Variants in NEMP2 observed in about 807,000 individuals in gnomAD.
NEMP2 encodes UPF0571 transmembrane protein.
NEMP2 carries 53 observed loss-of-function variants against 54.2 expected under a neutral mutation model. That is an observed-to-expected ratio of 0.98 (90% CI 0.78 to 1.23). NEMP2 has a LOEUF of 1.23. NEMP2 is among the 50% of genes most tolerant of loss of function. The pLI, the probability that NEMP2 is intolerant of heterozygous loss-of-function variation, is 0.00. For missense variants in NEMP2, 455 were observed against 511.3 expected, an observed-to-expected ratio of 0.89 and a Z score of 1.06; for synonymous variants, 197 against 190.3, an observed-to-expected ratio of 1.04 and a Z score of -0.29.
the NEMP2 span, among the ~76,000 whole-genome samples, chr2:190,630,374 C>T: frequency 5.3e-5 from 8 of 152,076 alleles, no homozygotes; most frequent in African/African-American, 9.7e-5. This position sits in a 1 kb window ranked among gnomAD's most constrained non-coding sequence, Gnocchi z 5.5. Flanking sequence ...AGCACCACCA[C>T]GCCCAGCTAA....
chr2:190,617,960 G>A, the NEMP2 span, among the ~76,000 whole-genome samples: 1 of 152,036 alleles, frequency 6.6e-6, no homozygotes, highest in Non-Finnish European at 1.5e-5. The surrounding 1 kb of genome is among the most constrained non-coding windows in gnomAD (Gnocchi z 5.0). Flanking sequence ...TATGACATTA[G>A]CTACTGCCCA....
chr2:190,590,750 G>A, the NEMP2 span, among the ~76,000 whole-genome samples: 2 of 152,306 alleles, frequency 1.3e-5, no homozygotes, highest in Non-Finnish European at 2.9e-5. The surrounding 1 kb of genome is among the most constrained non-coding windows in gnomAD (Gnocchi z 5.1). Flanking sequence ...CTCCAAGCCA[G>A]TCTGGTTGGT....
upstream of NEMP2, among the ~76,000 whole-genome samples, chr2:190,537,620 G>C (rs886838641): frequency 6.6e-6 from 1 of 152,144 alleles, no homozygotes; most frequent in African/African-American, 2.4e-5. Flanking sequence ...TTGAACTTGA[G>C]AGATGATTTA....
chr2:190,642,605 T>C, the NEMP2 span, among the ~76,000 whole-genome samples: 1 of 152,260 alleles, frequency 6.6e-6, no homozygotes, highest in South Asian at 2.1e-4. The surrounding 1 kb of genome is among the most constrained non-coding windows in gnomAD (Gnocchi z 4.1). Context: ...TAGTCTACAA[T>C]ACACTTCCAA....
At chr2:190,430,052 T>A in the NEMP2 span, among the ~76,000 whole-genome samples, 1 of 146,782 alleles carries the variant, frequency 6.8e-6, no homozygotes, top group Non-Finnish European at 1.5e-5. Flanking sequence ...TATGTCCAAG[T>A]GTTCTCATTG....
chr2:190,447,091 A>AG, the NEMP2 span, among the ~76,000 whole-genome samples: 1 of 140,668 alleles, frequency 7.1e-6, no homozygotes, highest in Non-Finnish European at 1.7e-5. This position sits in a 1 kb window ranked among gnomAD's most constrained non-coding sequence, Gnocchi z 4.5. Context: ...AGGCTCAGTA[A>AG]AAAAAAAAAC....
downstream of NEMP2, chr2:190,500,228 G>A: frequency 1.2e-6 from 2 of 1,613,912 alleles, no homozygotes; most frequent in Non-Finnish European, 1.7e-6. The surrounding 1 kb of genome is among the most constrained non-coding windows in gnomAD (Gnocchi z 5.3). Context: ...AGGGCATCCT[G>A]CTCATCTCAC....
At chr2:190,476,418 G>C in the NEMP2 span, among the ~76,000 whole-genome samples, 2 of 152,320 alleles carry the variant, frequency 1.3e-5, no homozygotes, top group East Asian at 3.9e-4. Flanking sequence ...CTTCTCAAAA[G>C]AAGACATTTA....
At chr2:190,482,399 C>CTT in the NEMP2 span, among the ~76,000 whole-genome samples, 1 of 142,030 alleles carries the variant, frequency 7.0e-6, no homozygotes, top group East Asian at 2.0e-4. Context: ...GGAAGCTTTC[C>CTT]TTTTTTTTTT....
chr2:190,516,005 GACAA>G lies in NEMP2; in HGVS notation c.727+261_727+264del, dbSNP rs141183881. Among the ~76,000 whole-genome samples, 458 of 152,212 alleles carry G rather than the reference GACAA, an allele frequency of 3.0e-3. 16 individuals are homozygous for G. In the East Asian group the frequency reaches 0.067, roughly 22 times the overall value. On this transcript the variant is annotated intron_variant, in intron 6 of 8. Coordinates refer to ENST00000409150, the MANE Select transcript of NEMP2 (RefSeq NM_001142645.2). The stretch of plus-strand genomic sequence containing the variant: ...TTCAGAAGCATGTGCATTCAAAAGG[GACAA>G]ACACTTTTTTTTCCTCTTTTGATCA...
At position 190,513,623 on chromosome 2, in the gene NEMP2, C is replaced by T. The variant is rs911847846; in HGVS notation, c.953+830G>A. Among the ~76,000 whole-genome samples, 1 of 152,236 alleles carries T rather than the reference C, an allele frequency of 6.6e-6. No homozygotes were observed. The highest frequency in any genetic ancestry group is 1.5e-5 in the Non-Finnish European group (1 of 68,040). On this transcript the variant is annotated intron_variant, in intron 7 of 8. Coordinates refer to ENST00000409150, the MANE Select transcript of NEMP2 (RefSeq NM_001142645.2). The surrounding 1 kb of genome is among the most constrained non-coding windows in gnomAD (Gnocchi z 5.3). ...ATCTGGCCCATGCCCACCTTGCTTG[C>T]TGCACTGACAGCACTGCCTATCTCC...
At position 190,521,642 on chromosome 2, in the gene NEMP2, C is replaced by T. The variant is rs1393271326; in HGVS notation, c.214-2459G>A. On this transcript the variant is annotated intron_variant, in intron 2 of 8. Coordinates refer to ENST00000409150, the MANE Select transcript of NEMP2 (RefSeq NM_001142645.2). The surrounding 1 kb of genome is among the most constrained non-coding windows in gnomAD (Gnocchi z 6.2). ...TCTCTAGTTCCTCTCCTTCCATTCT[C>T]CCTTTAATCCACTTCAATCAGGATT... Among the ~76,000 whole-genome samples the T allele has an allele frequency of 6.6e-6, 1 of 152,202 alleles. No individual in the cohort carries two copies. Among genetic ancestry groups the T allele is most frequent in the East Asian group, 1.9e-4 (1 of 5,202 alleles).
At chr2:190,454,363 T>C in the NEMP2 span, 1 of 152,194 alleles carries the variant, frequency 6.6e-6, no homozygotes, top group Non-Finnish European at 1.5e-5. This position sits in a 1 kb window ranked among gnomAD's most constrained non-coding sequence, Gnocchi z 4.6. Context: ...CCCCACCTCC[T>C]TTATATATTC....
At chr2:190,426,470 T>C in the NEMP2 span, among the ~76,000 whole-genome samples, 1 of 152,252 alleles carries the variant, frequency 6.6e-6, no homozygotes, top group Non-Finnish European at 1.5e-5. This position sits in a 1 kb window ranked among gnomAD's most constrained non-coding sequence, Gnocchi z 4.7. Flanking sequence ...TAAGCATTTT[T>C]AGGATGGCTT....
chr2:190,623,834 A>T, the NEMP2 span, among the ~76,000 whole-genome samples: 1 of 152,228 alleles, frequency 6.6e-6, no homozygotes, highest in Non-Finnish European at 1.5e-5. Context: ...AAGTTTTAAA[A>T]AAACACAAAA....
At chr2:190,474,105 A>G in the NEMP2 span, among the ~76,000 whole-genome samples, 1 of 152,234 alleles carries the variant, frequency 6.6e-6, no homozygotes, top group Non-Finnish European at 1.5e-5. Flanking sequence ...TGCCCACAAG[A>G]GAAAGCAGGA....
At chr2:190,452,271 A>C in the NEMP2 span, among the ~76,000 whole-genome samples, 1 of 152,104 alleles carries the variant, frequency 6.6e-6, no homozygotes, top group African/African-American at 2.4e-5. Flanking sequence ...AACAACAATA[A>C]CACAACAACA....
chr2:190,534,869 A>T (rs1393900360), upstream of NEMP2: 1 of 383,584 alleles, frequency 2.6e-6, no homozygotes, highest in Non-Finnish European at 4.6e-6. Flanking sequence ...CCCAGGCCGG[A>T]GGAGCTTTCG....
At chr2:190,501,647 T>C (rs994859030), downstream of NEMP2, 2 of 152,558 alleles carry the variant, frequency 1.3e-5, no homozygotes, top group African/African-American at 2.4e-5. Flanking sequence ...AATTGTAAAG[T>C]GAGGGCTTCT....
Sources: gnomAD v4.1 joint callset for allele counts (sites outside exome capture counted in the v4.1 genomes callset) on GRCh38, gnomAD v4.1.1 for gene constraint, Gnocchi (gnomAD v3.1) non-coding constraint, MANE v1.5 for transcripts, NCBI Gene and HGNC (gene_info 2026-07-23, HGNC 2026-07-21) for gene names.